Variants in AGO2 observed in about 807,000 individuals in gnomAD.
The protein encoded by AGO2 is protein argonaute-2.
A neutral mutation model predicts 102.3 loss-of-function variants in AGO2; 5 were observed. The observed-to-expected ratio is 0.05, with a 90% CI of 0.03 to 0.10. The LOEUF (loss-of-function observed/expected upper bound fraction) is 0.10. Among genes scored for constraint, AGO2 ranks in the 10% least tolerant of loss-of-function variants. The pLI is 1.00. For synonymous variants in AGO2, 449 were observed against 473.1 expected, an observed-to-expected ratio of 0.95 and a Z score of 0.66; for missense variants, 541 against 1,183.7, an observed-to-expected ratio of 0.46 and a Z score of 7.97.
intron 13 of AGO2, among the ~76,000 whole-genome samples, chr8:140,544,753 G>T (rs1383470427): frequency 6.6e-6 from 1 of 152,214 alleles, no homozygotes; most frequent in East Asian, 1.9e-4. Context: ...CCACTCACTG[G>T]ATGCCAGTAG....
chr8:140,547,393 C>G lies in AGO2; in HGVS notation c.1748+75G>C. The G allele has an allele frequency of 2.6e-6, 4 of 1,557,128 alleles. No individual in the cohort carries two copies. The South Asian group carries it at 4.9e-5, about 19-fold the overall frequency. On this transcript the variant is annotated intron_variant, in intron 13 of 18. Coordinates refer to ENST00000220592, the MANE Select transcript of AGO2 (RefSeq NM_012154.5). ...AGGGACCCTGCCCCCCTGCCCCCTG[C>G]ATACTGCACCCCACCCTGCCAAGCG...
intron 1 of AGO2, among the ~76,000 whole-genome samples, chr8:140,606,197 T>C (rs2073996358): frequency 6.6e-6 from 1 of 152,200 alleles, no homozygotes; most frequent in South Asian, 2.1e-4. Context: ...TTTTAATTTG[T>C]CTGAAGAAAC....
At chr8:140,603,556 G>A (rs2073958520) in intron 1 of AGO2, among the ~76,000 whole-genome samples, 1 of 152,196 alleles carries the variant, frequency 6.6e-6, no homozygotes, top group Non-Finnish European at 1.5e-5. Context: ...CCAGGCCTTG[G>A]CACACGCACC....
chr8:140,578,063 C>T (rs1327090521), intron 2 of AGO2, among the ~76,000 whole-genome samples: 14 of 152,240 alleles, frequency 9.2e-5, no homozygotes, highest in African/African-American at 1.9e-4. Flanking sequence ...CTCAGGCCTC[C>T]GCCGCCCAGA....
intron 10 of AGO2, among the ~76,000 whole-genome samples, chr8:140,552,817 C>T (rs967315345): frequency 7.2e-5 from 11 of 152,026 alleles, no homozygotes; most frequent in South Asian, 2.1e-4. Context: ...AACTGACATC[C>T]GAAGCTCAAT....
chr8:140,635,574 G>A lies in AGO2; in HGVS notation c.-68C>T. ...CGCGCGCCACGGGCCCCGACGCCGC[G>A]AGCCGCGAGGGAGCCGCCGGCCGCA... On this transcript the variant is annotated 5_prime_UTR_variant, in exon 1 of 19. Transcript: ENST00000220592. The A allele has an allele frequency of 3.1e-6, 3 of 961,072 alleles. No homozygotes were observed. Among genetic ancestry groups the A allele is most frequent in the Non-Finnish European group, 3.7e-6 (3 of 810,800 alleles). The allele number at this position is 961,072 out of a possible 1,614,324, so 59.5% of individuals were successfully genotyped here. A position where few individuals can be genotyped will look rare whatever the true frequency, so the allele number is the denominator to read the frequency against.
At chr8:140,629,761 G>A (rs766701533) in intron 1 of AGO2, among the ~76,000 whole-genome samples, 13 of 151,690 alleles carry the variant, frequency 8.6e-5, no homozygotes, top group Non-Finnish European at 1.6e-4. Context: ...TCCGGAGCCC[G>A]GGGAGGTTGA....
chr8:140,532,291 C>T (rs2132853508), intron 18 of AGO2, 125 bp downstream of exon 18: 2 of 1,399,354 alleles, frequency 1.4e-6, no homozygotes, highest in South Asian at 2.5e-5. Context: ...GTGCCATTAA[C>T]AGGCCTTCTG....
At chr8:140,538,670 TCTGCCAATTCTTACGA>T (rs1380106150) in intron 16 of AGO2, among the ~76,000 whole-genome samples, 1 of 152,220 alleles carries the variant, frequency 6.6e-6, no homozygotes, top group Non-Finnish European at 1.5e-5. Context: ...TTTGCACCAC[TCTGCCAATTCTTACGA>T]CTGCACAGCT....
rs983527749 is a variant in AGO2, at chr8:140,540,655, C to T, written c.2034+509G>A. 1.3e-5 allele frequency among the ~76,000 whole-genome samples: 2 copies of T among 152,158 alleles called. No individual in the cohort carries two copies. Among genetic ancestry groups the T allele is most frequent in the African/African-American group, 4.8e-5 (2 of 41,448 alleles). On this transcript the variant is annotated intron_variant, in intron 15 of 18. Transcript: ENST00000220592. The surrounding 1 kb of genome is among the most constrained non-coding windows in gnomAD (Gnocchi z 5.0). Reference sequence around the variant, plus strand: ...AGACTCAGCAGTGACCCATTGTGGCCGTCCCTCTCTCTACATCCAGACAGT... The same window carrying T: ...AGACTCAGCAGTGACCCATTGTGGCTGTCCCTCTCTCTACATCCAGACAGT...
In AGO2 at chr8:140,629,442, C is replaced by T. The variant is rs528607222; in HGVS notation, c.22+6043G>A. On this transcript the variant is annotated intron_variant, in intron 1 of 18. Coordinates refer to ENST00000220592, the MANE Select transcript of AGO2 (RefSeq NM_012154.5). ...GGATGCTAGTCATCCAGGCCAAAGTCCCCACTTAACAGGCGAGAAAACTGA... is the reference window on the plus strand; with the variant it reads ...GGATGCTAGTCATCCAGGCCAAAGTTCCCACTTAACAGGCGAGAAAACTGA... Among the ~76,000 whole-genome samples the T allele has an allele frequency of 5.9e-5, 9 of 152,236 alleles. 1 individual carries two copies. The highest frequency in any genetic ancestry group is 2.2e-4 in the African/African-American group (9 of 41,536).
chr8:140,556,143 GC>G (rs1224720427), intron 9 of AGO2, 23 bp downstream of exon 9: 2 of 1,613,930 alleles, frequency 1.2e-6, no homozygotes, highest in South Asian at 1.1e-5. Context: ...CCACAGGGCA[GC>G]CCTGCCCGGG....
chr8:140,532,991 C>A (rs2072625645), intron 17 of AGO2, among the ~76,000 whole-genome samples: 1 of 139,536 alleles, frequency 7.2e-6, no homozygotes, highest in South Asian at 2.4e-4. Flanking sequence ...GAGAGAGACT[C>A]CTCTGTCTCA....
rs1386824799 is a variant in AGO2 at position 140,541,256 on chromosome 8, C to T, written c.1942G>A (p.Glu648Lys). The T allele has an allele frequency of 6.2e-7, 1 of 1,612,986 alleles. No individual in the cohort carries two copies. Among genetic ancestry groups the T allele is most frequent in the Admixed American group, 1.7e-5 (1 of 59,834 alleles). The stretch of plus-strand genomic sequence containing the variant: ...GACTTGTAGAACTGGATGAGGAGCT[C>T]GCGGACCATGGCGGCCAGGTCTTGT... ...IIQDLAAMVR[E>K]LLIQFYKSTR... is the part of the protein sequence containing the mutation. Residue 648 changes from glutamate to lysine, a missense_variant, in exon 15 of 19, where the codon GAG becomes AAG. Around this residue, in one of 6 missense-constraint regions of AGO2, gnomAD observed 309 missense variants for 735.1 expected, o/e 0.42. Coordinates refer to ENST00000220592, the MANE Select transcript of AGO2 (RefSeq NM_012154.5).
intron 1 of AGO2, among the ~76,000 whole-genome samples, chr8:140,597,344 A>G (rs1367364643): frequency 1.1e-4 from 17 of 152,202 alleles, no homozygotes; most frequent in Admixed American, 1.0e-3. Flanking sequence ...GCACGGATGC[A>G]GGGCAGCGTG....
chr8:140,626,316 A>G (rs550689051), intron 1 of AGO2, among the ~76,000 whole-genome samples: 35 of 152,334 alleles, frequency 2.3e-4, no homozygotes, highest in African/African-American at 7.9e-4. Context: ...TATTTATCAG[A>G]GATAAGCCTT....
chr8:140,597,124 A>G (rs2073857193), intron 1 of AGO2, among the ~76,000 whole-genome samples: 1 of 152,234 alleles, frequency 6.6e-6, no homozygotes, highest in South Asian at 2.1e-4. Flanking sequence ...AAAACTCAGC[A>G]GAAGAGCTGT....
In AGO2 at chr8:140,526,542, T is replaced by G. The variant is rs1009203942; in HGVS notation, c.*5502A>C. 7.2e-5 allele frequency: 11 copies of G among 152,360 alleles called. No individual in the cohort carries two copies. The highest frequency in any genetic ancestry group is 2.6e-4 in the African/African-American group (11 of 41,588). 9.4% of individuals were successfully genotyped at this position (152,360 alleles called of 1,614,324 possible). A position where few individuals can be genotyped will look rare whatever the true frequency, so the allele number is the denominator to read the frequency against. The stretch of plus-strand genomic sequence containing the variant: ...CATTTTCAAGCCAGAACTGAACAGA[T>G]AGATGTTCACAATTCAGTTTATTCA... On this transcript the variant is annotated 3_prime_UTR_variant, in exon 19 of 19. Coordinates refer to ENST00000220592, the MANE Select transcript of AGO2 (RefSeq NM_012154.5). This position sits in a 1 kb window ranked among gnomAD's most constrained non-coding sequence, Gnocchi z 5.2.
intron 1 of AGO2, among the ~76,000 whole-genome samples, chr8:140,609,625 T>C (rs2133063563): frequency 6.6e-6 from 1 of 152,322 alleles, no homozygotes; most frequent in African/African-American, 2.4e-5. Flanking sequence ...CTCCTGAGTC[T>C]GTCTGCCCAT....
Sources: gnomAD v4.1 joint callset for allele counts (sites outside exome capture counted in the v4.1 genomes callset) on GRCh38, gnomAD v4.1.1 for gene constraint, gnomAD v4.1.1 regional missense constraint, Gnocchi (gnomAD v3.1) non-coding constraint, MANE v1.5 for transcripts, NCBI Gene and HGNC (gene_info 2026-07-23, HGNC 2026-07-21) for gene names.